Variants in THSD4 observed in about 807,000 individuals in gnomAD.
THSD4 encodes the protein thrombospondin type-1 domain-containing protein 4.
Under a neutral mutation model 119.0 loss-of-function variants are expected in THSD4, and 69 were observed. The ratio of observed to expected loss-of-function variants is 0.58; its 90% CI spans 0.48 to 0.71. THSD4 has a LOEUF of 0.71. Among genes scored for constraint, THSD4 ranks in the 30% least tolerant of loss-of-function variants. The probability of loss-of-function intolerance (pLI) is 0.00; values close to 1 mark genes in which losing one functional copy is unlikely to be tolerated. For missense variants in THSD4, 1,393 were observed against 1,391.1 expected (o/e 1.00, Z -0.02); for synonymous variants, 524 against 540.4 (o/e 0.97, Z 0.42).
At position 71,452,908 on chromosome 15, in the gene THSD4, C is replaced by T. The variant is rs535215169; in HGVS notation, c.1152+41085C>T. 5.9e-5 allele frequency among the ~76,000 whole-genome samples: 9 copies of T among 152,320 alleles called. 1 individual carries two copies. The highest frequency in any genetic ancestry group is 1.9e-4 in the East Asian group (1 of 5,180). ...GGGATTACAGGCATGAGCCACTGCACCTGGCCAGGAGGCAGTTAAATTTAG... is the reference window on the plus strand; with the variant it reads ...GGGATTACAGGCATGAGCCACTGCATCTGGCCAGGAGGCAGTTAAATTTAG... On this transcript the variant is annotated intron_variant, in intron 7 of 17. Coordinates refer to ENST00000261862, the MANE Select transcript of THSD4 (RefSeq NM_024817.3).
intron 7 of THSD4, among the ~76,000 whole-genome samples, chr15:71,654,047 C>A (rs28737366): frequency 0.29 from 44,104 of 152,048 alleles, 7,056 homozygotes; most frequent in East Asian, 0.69. Flanking sequence ...TAGGCTTTGT[C>A]GACTTTCCTG....
At chr15:71,604,456 A>G (rs1012279553) in intron 7 of THSD4, among the ~76,000 whole-genome samples, 9 of 152,234 alleles carry the variant, frequency 5.9e-5, no homozygotes, top group Non-Finnish European at 1.3e-4. Context: ...TGGACTTACT[A>G]TGGCATTTTA....
rs979391141 is a variant in THSD4 at position 71,101,015 on chromosome 15, AAAAAT to A, written c.-80+4030_-80+4034del. On this transcript the variant is annotated intron_variant, in intron 1 of 17. Transcript: ENST00000355327. The stretch of plus-strand genomic sequence containing the variant: ...ATAAATAAAAATAAAAAGTAAAATA[AAAAAT>A]AAAATAAAATAAAATAAAATTGATA... 7.9e-5 allele frequency among the ~76,000 whole-genome samples: 12 copies of A among 152,010 alleles called. No homozygotes were observed. In the South Asian group the frequency reaches 8.3e-4, roughly 11 times the overall value.
intron 6 of THSD4, among the ~76,000 whole-genome samples, chr15:71,313,169 T>C (rs916697818): frequency 3.3e-5 from 5 of 152,248 alleles, no homozygotes; most frequent in African/African-American, 7.2e-5. Context: ...TTTTATACTT[T>C]GGGCTACAGT....
intron 7 of THSD4, among the ~76,000 whole-genome samples, chr15:71,444,165 G>C (rs2047148708): frequency 6.6e-6 from 1 of 152,182 alleles, no homozygotes; most frequent in African/African-American, 2.4e-5. Context: ...TGGGTTGCTG[G>C]GTGGACAGGC....
chr15:71,630,160 G>T (rs992606367), intron 7 of THSD4, among the ~76,000 whole-genome samples: 6 of 152,104 alleles, frequency 3.9e-5, no homozygotes, highest in Non-Finnish European at 8.8e-5. Context: ...AAAACAAACA[G>T]ACAAAAAACA....
rs77984977 is a variant in THSD4, at chr15:71,596,304, G to T, written c.1153-64226G>T. Among the ~76,000 whole-genome samples the T allele has an allele frequency of 5.4e-3, 830 of 152,298 alleles. 13 individuals carry two copies. Among genetic ancestry groups the T allele is most frequent in the Non-Finnish European group, 6.6e-3 (446 of 68,034 alleles). On this transcript the variant is annotated intron_variant, in intron 7 of 17. Transcript: ENST00000261862. The stretch of plus-strand genomic sequence containing the variant: ...AGGAACGCAGTCAGATTGTGACATT[G>T]TTGTGGTTTTCTCTCTTTCTTCTTC...
chr15:71,111,834 G>C, upstream of THSD4: 2 of 535,240 alleles, frequency 3.7e-6, no homozygotes, highest in Non-Finnish European at 6.5e-6. Context: ...GTTTGTAAGA[G>C]CTGAGAGCAG....
chr15:71,287,003 C>T (rs2044726539), intron 6 of THSD4, among the ~76,000 whole-genome samples: 1 of 152,110 alleles, frequency 6.6e-6, no homozygotes, highest in Non-Finnish European at 1.5e-5. Flanking sequence ...CGAATTTTGC[C>T]TATTATCGTT....
intron 6 of THSD4, among the ~76,000 whole-genome samples, chr15:71,385,040 A>G (rs143648128): frequency 6.6e-6 from 1 of 152,182 alleles, no homozygotes; most frequent in Non-Finnish European, 1.5e-5. Context: ...AGTAATTGCC[A>G]TTTACTGCCA....
intron 6 of THSD4, among the ~76,000 whole-genome samples, chr15:71,400,572 C>T (rs1431913688): frequency 5.3e-5 from 8 of 152,192 alleles, no homozygotes; most frequent in East Asian, 1.9e-4. Context: ...AAAAGTCTGG[C>T]GCTGCTGTGG....
chr15:71,139,102 G>C (rs747399571), intron 1 of THSD4, among the ~76,000 whole-genome samples: 4 of 151,884 alleles, frequency 2.6e-5, no homozygotes, highest in Non-Finnish European at 4.4e-5. Flanking sequence ...ATTCTAGATA[G>C]TTGATTTACT....
At chr15:71,174,167 G>T (rs1308113385) in intron 3 of THSD4, among the ~76,000 whole-genome samples, 1 of 152,174 alleles carries the variant, frequency 6.6e-6, no homozygotes, top group Non-Finnish European at 1.5e-5. Flanking sequence ...AATAGGAACA[G>T]CTCCGGTCTA....
At chr15:71,257,022 C>G (rs975828164) in intron 6 of THSD4, among the ~76,000 whole-genome samples, 24 of 152,118 alleles carry the variant, frequency 1.6e-4, no homozygotes, top group African/African-American at 5.1e-4. Context: ...AGAAGAGGTT[C>G]AAACATAAAG....
At chr15:71,620,418 C>T (rs2050399709) in intron 7 of THSD4, among the ~76,000 whole-genome samples, 1 of 151,196 alleles carries the variant, frequency 6.6e-6, no homozygotes, top group South Asian at 2.1e-4. Flanking sequence ...CATAGCAAAA[C>T]TCTGTTTTTA....
At chr15:71,098,444 T>G (rs1160161293) in intron 1 of THSD4, among the ~76,000 whole-genome samples, 1 of 152,116 alleles carries the variant, frequency 6.6e-6, no homozygotes, top group Admixed American at 6.6e-5. Context: ...TGTGTATTTT[T>G]GTAGAGACAG....
chr15:71,561,391 A>G (rs2140880438), intron 7 of THSD4, among the ~76,000 whole-genome samples: 1 of 152,282 alleles, frequency 6.6e-6, no homozygotes, highest in Middle Eastern at 3.4e-3. Context: ...GGCAGCTATC[A>G]CCATTATTAA....
chr15:71,544,250 G>A (rs548372352), intron 7 of THSD4, among the ~76,000 whole-genome samples: 20 of 152,274 alleles, frequency 1.3e-4, no homozygotes, highest in South Asian at 4.1e-4. Flanking sequence ...TCAGAATGCC[G>A]ACTGCCACCT....
At chr15:71,494,929 T>C (rs1475749746) in intron 7 of THSD4, among the ~76,000 whole-genome samples, 1 of 152,178 alleles carries the variant, frequency 6.6e-6, no homozygotes, top group Non-Finnish European at 1.5e-5. Flanking sequence ...GTGATTTAGG[T>C]GCTCTGATGA....
Sources: gnomAD v4.1 joint callset for allele counts (sites outside exome capture counted in the v4.1 genomes callset) on GRCh38, gnomAD v4.1.1 for gene constraint, MANE v1.5 for transcripts, NCBI Gene and HGNC (gene_info 2026-07-23, HGNC 2026-07-21) for gene names.